IFT43: variants seen among roughly 807,000 people sequenced by gnomAD.
IFT43 encodes intraflagellar transport 43.
IFT43 carries 33 observed loss-of-function variants against 32.3 expected under a neutral mutation model. The observed-to-expected ratio is 1.02, with a 90% CI of 0.77 to 1.37. The LOEUF (loss-of-function observed/expected upper bound fraction) is 1.37, where lower values mean the gene tolerates loss of function less well. Among genes scored for constraint, IFT43 ranks in the 40% most tolerant of loss-of-function variants. IFT43 has a pLI of 0.00. For synonymous variants in IFT43, 93 were observed against 98.2 expected, an observed-to-expected ratio of 0.95 and a Z score of 0.31; for missense variants, 274 against 265.9, an observed-to-expected ratio of 1.03 and a Z score of -0.21.
chr14:76,083,673 A>G lies in IFT43; in HGVS notation c.*96A>G, dbSNP rs1338645213. The G allele has an allele frequency of 1.7e-6, 2 of 1,165,050 alleles. No individual in the cohort carries two copies. Among genetic ancestry groups the G allele is most frequent in the Non-Finnish European group, 2.5e-6 (2 of 798,296 alleles). 72.2% of individuals were successfully genotyped at this position (1,165,050 alleles called of 1,614,324 possible). ...CGAATTTTTACCTGGAATATTTTGTAATAAAAATATTTATATTCAGTCAAC... is the reference window on the plus strand; with the variant it reads ...CGAATTTTTACCTGGAATATTTTGTGATAAAAATATTTATATTCAGTCAAC... On this transcript the variant is annotated 3_prime_UTR_variant, in exon 9 of 9. Coordinates refer to ENST00000314067, the MANE Select transcript of IFT43 (RefSeq NM_001102564.3).
intron 2 of IFT43, among the ~76,000 whole-genome samples, chr14:76,000,857 A>G (rs1306484347): frequency 6.6e-6 from 1 of 152,236 alleles, no homozygotes; most frequent in Non-Finnish European, 1.5e-5. Context: ...GAGTCTTAGC[A>G]GTTGGTGAAC....
intron 3 of IFT43, among the ~76,000 whole-genome samples, chr14:76,057,553 C>CAA (rs66748105): frequency 6.8e-6 from 1 of 146,298 alleles, no homozygotes. Context: ...TTTTAATTGA[C>CAA]AAAAAAAAAA....
intron 2 of IFT43, 178 bp from the exon 3 acceptor site, chr14:76,022,149 G>A (rs2036303227): frequency 6.4e-6 from 1 of 155,194 alleles, no homozygotes. Flanking sequence ...TACTCAGGAG[G>A]CTAAGGCAGG....
In IFT43 at chr14:76,009,866, C is replaced by T. The variant is rs374433435; in HGVS notation, c.148-12461C>T. Among the ~76,000 whole-genome samples, 185 of 152,104 alleles carry T rather than the reference C, an allele frequency of 1.2e-3. 4 individuals carry two copies. In the South Asian group the frequency reaches 0.036, roughly 30 times the overall value. On this transcript the variant is annotated intron_variant, in intron 2 of 8. Transcript: ENST00000314067. ...CTGGAGTGCAGTGATGCAATCTCAG[C>T]TCACTGCAACCTCCGCCTCCTGGGT...
chr14:76,055,441 C>T (rs2036994544), intron 3 of IFT43, among the ~76,000 whole-genome samples: 1 of 151,758 alleles, frequency 6.6e-6, no homozygotes, highest in Non-Finnish European at 1.5e-5. Flanking sequence ...TTACATAATA[C>T]CTATTCTTAC....
chr14:76,027,499 G>A (rs2139972413), intron 3 of IFT43, among the ~76,000 whole-genome samples: 1 of 152,210 alleles, frequency 6.6e-6, no homozygotes, highest in South Asian at 2.1e-4. Flanking sequence ...CACGAGGTCA[G>A]GAGATCGAGA....
At chr14:76,076,702 G>A in intron 5 of IFT43, 1 of 1,614,102 alleles carries the variant, frequency 6.2e-7, no homozygotes, top group Non-Finnish European at 8.5e-7. Context: ...GTAGGCTTTT[G>A]ACTGTCAGTC....
chr14:75,985,841 G>C lies in IFT43; in HGVS notation c.54+1G>C, dbSNP rs112406324. ...GCTTCGCTACAGCTTGGCTACCTCC[G>C]TGAGGACCAATTCGGGGGCCTTGGG... is the stretch of plus-strand genomic sequence containing the variant. On this transcript the variant is annotated splice_donor_variant, in intron 1 of 8. Transcript: ENST00000314067. LOFTEE classifies it high-confidence loss of function. 2 of 1,613,980 alleles carry C rather than the reference G, an allele frequency of 1.2e-6. No homozygotes were observed. The highest frequency in any genetic ancestry group is 1.7e-6 in the Non-Finnish European group (2 of 1,179,998).
At chr14:76,033,901 G>A (rs969010928) in intron 3 of IFT43, among the ~76,000 whole-genome samples, 1 of 152,216 alleles carries the variant, frequency 6.6e-6, no homozygotes, top group Non-Finnish European at 1.5e-5. Flanking sequence ...AGAAGAGAGA[G>A]TAATCATTAT....
intron 2 of IFT43, among the ~76,000 whole-genome samples, chr14:76,014,838 CA>C (rs2036153213): frequency 6.6e-6 from 1 of 152,156 alleles, no homozygotes; most frequent in South Asian, 2.1e-4. Flanking sequence ...AGGGATTCTT[CA>C]GCTTCACCTT....
chr14:76,059,264 G>A lies in IFT43; in HGVS notation c.249-63G>A, dbSNP rs1051071633. 5 of 1,612,978 alleles carry A rather than the reference G, an allele frequency of 3.1e-6. No individual in the cohort carries two copies. In the East Asian group the frequency reaches 6.7e-5, roughly 22 times the overall value. On this transcript the variant is annotated intron_variant, in intron 4 of 8. Coordinates refer to ENST00000314067, the MANE Select transcript of IFT43 (RefSeq NM_001102564.3). ...AAAGAATGGATACAATAAACATTTG[G>A]GATGTTCCTTTCCGTGTTTGAAACT...
rs143051153 is a variant in IFT43 at position 76,064,477 on chromosome 14, G to A, written c.295+5104G>A. Among the ~76,000 whole-genome samples, 90 of 152,318 alleles carry A rather than the reference G, an allele frequency of 5.9e-4. 1 individual carries two copies. Among genetic ancestry groups the A allele is most frequent in the African/African-American group, 1.9e-3 (80 of 41,576 alleles). ...CCAGACGTGAGCAAAGTGGGTAGGC[G>A]GTTAAGGAGCAGTGTGCATGGAAAT... On this transcript the variant is annotated intron_variant, in intron 5 of 8. Transcript: ENST00000314067.
At chr14:76,059,253 A>G (rs929957858) in intron 4 of IFT43, 74 bp from the exon 5 acceptor site, 3 of 1,612,498 alleles carry the variant, frequency 1.9e-6, no homozygotes, top group African/African-American at 1.3e-5. Context: ...AATGGATACA[A>G]TAAACATTTG....
At chr14:76,006,687 A>T (rs1273574732) in intron 2 of IFT43, among the ~76,000 whole-genome samples, 3 of 152,140 alleles carry the variant, frequency 2.0e-5, no homozygotes, top group Admixed American at 2.0e-4. Flanking sequence ...TTAACCATTT[A>T]AAAAATGGTT....
At position 76,055,980 on chromosome 14, in the gene IFT43, C is replaced by G. The variant is rs553385078; in HGVS notation, c.216-2662C>G. Among the ~76,000 whole-genome samples, 508 of 152,282 alleles carry G rather than the reference C, an allele frequency of 3.3e-3. 6 individuals carry two copies. Among genetic ancestry groups the G allele is most frequent in the Middle Eastern group, 6.8e-3 (2 of 294 alleles). On this transcript the variant is annotated intron_variant, in intron 3 of 8. Transcript: ENST00000314067. Reference sequence around the variant, plus strand: ...GAGCTCAGGTTCATCCACTGCACGTCCAGTATTGCCAGGCTAAAAAGTTAA... The same window carrying G: ...GAGCTCAGGTTCATCCACTGCACGTGCAGTATTGCCAGGCTAAAAAGTTAA...
chr14:76,068,251 G>A (rs758971780), intron 5 of IFT43, among the ~76,000 whole-genome samples: 2 of 152,180 alleles, frequency 1.3e-5, no homozygotes, highest in Non-Finnish European at 2.9e-5. Flanking sequence ...AGAAGAATGT[G>A]AAAGACCTTC....
chr14:76,083,293 C>G lies in IFT43; in HGVS notation c.507+4C>G. The stretch of plus-strand genomic sequence containing the variant: ...GCCGGAGCACGAAGTCCGGGAGGTA[C>G]AGTGGTGGCAGCAATTCCCCGGTCT... On this transcript the variant is annotated splice_donor_region_variant and intron_variant, in intron 8 of 8. Coordinates refer to ENST00000314067, the MANE Select transcript of IFT43 (RefSeq NM_001102564.3). 6.2e-7 allele frequency: 1 copy of G among 1,612,784 alleles called. No individual in the cohort carries two copies. Among genetic ancestry groups the G allele is most frequent in the Admixed American group, 1.7e-5 (1 of 60,010 alleles).
At chr14:76,083,064 G>A (rs1170544370) in intron 7 of IFT43, 163 bp from the exon 8 acceptor site, 1 of 209,496 alleles carries the variant, frequency 4.8e-6, no homozygotes, top group African/African-American at 2.4e-5. Context: ...ATTTCTCAGT[G>A]GGCATGTGGT....
intron 4 of IFT43, 43 bp from the exon 5 acceptor site, chr14:76,059,284 G>A: frequency 6.2e-7 from 1 of 1,613,754 alleles, no homozygotes; most frequent in Non-Finnish European, 8.5e-7. Context: ...TTCCGTGTTT[G>A]AAACTCATTT....
Sources: allele counts gnomAD v4.1 joint callset (sites outside exome capture counted in the v4.1 genomes callset), GRCh38; gene constraint gnomAD v4.1.1; transcripts MANE v1.5; gene names NCBI Gene and HGNC (gene_info 2026-07-23, HGNC 2026-07-21).